PCDHA5: variants seen among roughly 807,000 people sequenced by gnomAD.
The protein encoded by PCDHA5 is protocadherin alpha-5.
PCDHA5 carries 43 observed loss-of-function variants against 61.6 expected under a neutral mutation model. The observed-to-expected ratio is 0.70, with a 90% CI of 0.55 to 0.90. The LOEUF is 0.90. PCDHA5 is among the 40% of genes least tolerant of loss of function. The probability of loss-of-function intolerance (pLI) is 0.00; values close to 1 mark genes in which losing one functional copy is unlikely to be tolerated. For synonymous variants in PCDHA5, 627 were observed against 543.9 expected (o/e 1.15, Z -2.13); for missense variants, 1,298 against 1,222.7 (o/e 1.06, Z -0.92).
intron 3 of PCDHA5, among the ~76,000 whole-genome samples, chr5:140,988,142 A>G (rs1017336547): frequency 5.3e-5 from 8 of 152,056 alleles, no homozygotes; most frequent in African/African-American, 1.4e-4. Context: ...AACCTGTTCA[A>G]CCTCAACTTC....
At position 140,877,504 on chromosome 5, in the gene PCDHA5, A is replaced by T. The variant is rs532509235; in HGVS notation, c.2352+53377A>T. The T allele has an allele frequency of 1.1e-5, 18 of 1,613,764 alleles. No individual in the cohort carries two copies. The South Asian group carries it at 1.3e-4, about 12-fold the overall frequency. On this transcript the variant is annotated intron_variant, in intron 1 of 3. Coordinates refer to ENST00000529859, the MANE Select transcript of PCDHA5 (RefSeq NM_018908.3). ...GGTGGAGAACGGCCAGGCCCCAAAG[A>T]CGTCGTCGCGGGCCTCAGTGGGCGC...
intron 1 of PCDHA5, chr5:140,863,121 G>C (rs1554157790): frequency 1.7e-6 from 1 of 592,122 alleles, no homozygotes; most frequent in South Asian, 1.4e-5. Flanking sequence ...CGAAAGCTAC[G>C]CGCCACCGCC....
At chr5:140,829,399 G>A in intron 1 of PCDHA5, 2 of 1,614,074 alleles carry the variant, frequency 1.2e-6, no homozygotes, top group African/African-American at 1.3e-5. Context: ...CTTCGCTGTG[G>A]GCCACCGCCA....
At chr5:140,855,479 C>T (rs782343023) in intron 1 of PCDHA5, among the ~76,000 whole-genome samples, 3 of 149,758 alleles carry the variant, frequency 2.0e-5, no homozygotes, top group Non-Finnish European at 3.0e-5. Context: ...TGATGCTTGA[C>T]ATTAGTGTCT....
intron 1 of PCDHA5, among the ~76,000 whole-genome samples, chr5:140,936,995 A>G (rs2091251299): frequency 6.6e-6 from 1 of 151,864 alleles, no homozygotes; most frequent in Non-Finnish European, 1.5e-5. Flanking sequence ...CATTGACAAT[A>G]TTGAGACAGA....
chr5:140,941,191 T>TTTCTTTCTTTCTTTC lies in PCDHA5; in HGVS notation c.2353-37756_2353-37755insCTTTCTTTCTTTCTT, dbSNP rs1487503403. Among the ~76,000 whole-genome samples, 17 of 93,258 alleles carry TTTCTTTCTTTCTTTC rather than the reference T, an allele frequency of 1.8e-4. No individual in the cohort carries two copies. The South Asian group carries it at 2.0e-3, about 11-fold the overall frequency. The allele number at this position is 93,258 out of a possible 152,430, so 61.2% of individuals were successfully genotyped here. A position where few individuals can be genotyped will look rare whatever the true frequency, so the allele number is the denominator to read the frequency against. ...CATCTTGAACATCCTGCTTCTTTTT[T>TTTCTTTCTTTCTTTC]TTTCTTTCTTCCTTTCTTTCTTCCT... On this transcript the variant is annotated intron_variant, in intron 1 of 3. Coordinates refer to ENST00000529859, the MANE Select transcript of PCDHA5 (RefSeq NM_018908.3).
At chr5:140,957,107 G>A in intron 1 of PCDHA5, among the ~76,000 whole-genome samples, 1 of 152,092 alleles carries the variant, frequency 6.6e-6, no homozygotes, top group East Asian at 1.9e-4. Context: ...CTATGGACAT[G>A]ATTCTGTGTG....
chr5:140,953,476 G>A (rs1554220931), intron 1 of PCDHA5, among the ~76,000 whole-genome samples: 2 of 152,088 alleles, frequency 1.3e-5, no homozygotes. Flanking sequence ...ACTTCCTCAT[G>A]CTGTGTCACA....
intron 1 of PCDHA5, among the ~76,000 whole-genome samples, chr5:140,888,361 C>G (rs1445087911): frequency 2.0e-5 from 3 of 152,156 alleles, no homozygotes; most frequent in Non-Finnish European, 4.4e-5. Flanking sequence ...CTACTGGCAT[C>G]TAATAATGGA....
intron 1 of PCDHA5, chr5:140,849,795 T>C (rs2150450595): frequency 6.3e-7 from 1 of 1,598,164 alleles, no homozygotes; most frequent in Non-Finnish European, 8.6e-7. Flanking sequence ...GGGCTCGCCT[T>C]CACTGTGGGC....
Position 140,856,254 on chromosome 5 carries a change from G to C in PCDHA5, c.2352+32127G>C, listed in dbSNP as rs1554148458. 6.9e-6 allele frequency: 11 copies of C among 1,598,144 alleles called. No homozygotes were observed. Among genetic ancestry groups the C allele is most frequent in the Admixed American group, 1.7e-5 (1 of 59,266 alleles). ...CGCCTGTTCCGGGTGGCGTCCAAAA[G>C]ACACGGGGACCTTCTGGAGGTAAAT... On this transcript the variant is annotated intron_variant, in intron 1 of 3. Transcript: ENST00000529859.
chr5:140,941,191 T>TTTTTTTTC (rs1554213809), intron 1 of PCDHA5, among the ~76,000 whole-genome samples: 21 of 93,258 alleles, frequency 2.3e-4, no homozygotes, highest in African/African-American at 5.9e-4. Flanking sequence ...GCTTCTTTTT[T>TTTTTTTTC]TTTCTTTCTT....
rs1404352255 is a variant in PCDHA5 at position 140,843,932 on chromosome 5, T to C, written c.2352+19805T>C. 7 of 583,528 alleles carry C rather than the reference T, an allele frequency of 1.2e-5. No homozygotes were observed. In the East Asian group the frequency reaches 1.4e-4, roughly 12 times the overall value. The allele number at this position is 583,528 out of a possible 1,614,324, so 36.1% of individuals were successfully genotyped here. A position where few individuals can be genotyped will look rare whatever the true frequency, so the allele number is the denominator to read the frequency against. ...TGGGTCTATCTTGAAACTCAAGTTA[T>C]GGTTGGATGATATCCATTTTTTACT... is the stretch of plus-strand genomic sequence containing the variant. On this transcript the variant is annotated intron_variant, in intron 1 of 3. Transcript: ENST00000529859.
intron 1 of PCDHA5, among the ~76,000 whole-genome samples, chr5:140,904,555 C>A (rs1345633704): frequency 6.6e-6 from 1 of 151,632 alleles, no homozygotes. Flanking sequence ...CATATAATGA[C>A]TTTTTTTTCC....
chr5:140,912,113 A>C (rs1477558453), intron 1 of PCDHA5, among the ~76,000 whole-genome samples: 3 of 152,182 alleles, frequency 2.0e-5, no homozygotes, highest in African/African-American at 7.2e-5. Flanking sequence ...GTAGGCTGGG[A>C]GGCTAAGTCA....
rs782044159 is a variant in PCDHA5 at position 140,883,367 on chromosome 5, G to T, written c.2352+59240G>T. On this transcript the variant is annotated intron_variant, in intron 1 of 3. Transcript: ENST00000529859. Reference sequence around the variant, plus strand: ...CATCAGAGAAGACACTCAGCCTAGCGCCATTATTGCCCTAATCAGTGTGTC... The same window carrying T: ...CATCAGAGAAGACACTCAGCCTAGCTCCATTATTGCCCTAATCAGTGTGTC... The T allele has an allele frequency of 5.6e-6, 9 of 1,614,006 alleles. No homozygotes were observed. Among genetic ancestry groups the T allele is most frequent in the Non-Finnish European group, 7.6e-6 (9 of 1,180,038 alleles).
intron 1 of PCDHA5, chr5:140,841,116 TA>T: frequency 1.6e-6 from 1 of 615,476 alleles, no homozygotes; most frequent in Non-Finnish European, 2.8e-6. Flanking sequence ...GTAATTCATG[TA>T]ATCATTACCT....
At chr5:140,849,121 A>T (rs2150430770) in intron 1 of PCDHA5, 1 of 1,407,396 alleles carries the variant, frequency 7.1e-7, no homozygotes. Flanking sequence ...CCGGAGCTTC[A>T]TTTATTGCTC....
intron 1 of PCDHA5, among the ~76,000 whole-genome samples, chr5:140,921,390 T>G (rs2080194479): frequency 6.6e-6 from 1 of 152,164 alleles, no homozygotes; most frequent in Non-Finnish European, 1.5e-5. Context: ...TTGATAAACA[T>G]TCACACTAGA....
Sources: gnomAD v4.1 joint callset for allele counts (sites outside exome capture counted in the v4.1 genomes callset) on GRCh38, gnomAD v4.1.1 for gene constraint, MANE v1.5 for transcripts, NCBI Gene and HGNC (gene_info 2026-07-23, HGNC 2026-07-21) for gene names.